Variants in MARCHF8 observed in about 807,000 individuals in gnomAD.
The protein encoded by MARCHF8 is E3 ubiquitin-protein ligase MARCHF8.
Under a neutral mutation model 51.6 loss-of-function variants are expected in MARCHF8, and 40 were observed. That is an observed-to-expected ratio of 0.77 (90% CI 0.60 to 1.01). The LOEUF is 1.01. Ranked by LOEUF, MARCHF8 falls within the 50% of genes least tolerant of loss-of-function variation. The probability of loss-of-function intolerance (pLI) is 0.00; values close to 1 mark genes in which losing one functional copy is unlikely to be tolerated. For missense variants in MARCHF8, 685 were observed against 708.6 expected (o/e 0.97, Z 0.38); for synonymous variants, 263 against 280.3 (o/e 0.94, Z 0.62).
At chr10:45,562,958 T>TA (rs1564517443) in intron 1 of MARCHF8, among the ~76,000 whole-genome samples, 2 of 151,658 alleles carry the variant, frequency 1.3e-5, no homozygotes, top group Non-Finnish European at 2.9e-5. Context: ...TTTTTTTTTT[T>TA]AAACCAAACA....
At chr10:45,574,688 T>C (rs2044469997) in intron 1 of MARCHF8, among the ~76,000 whole-genome samples, 1 of 152,192 alleles carries the variant, frequency 6.6e-6, no homozygotes, top group South Asian at 2.1e-4. Flanking sequence ...AGCCTAGCCC[T>C]CCTGTCTGCA....
rs1401072100 is a variant in MARCHF8 at position 45,486,528 on chromosome 10, C to T, written c.153+2839G>A. ...GCAGTGAGCCAAGATTGCACCACGGCACTCCAGCCTGGGCTACGGAGCGAG... is the reference window on the plus strand; with the variant it reads ...GCAGTGAGCCAAGATTGCACCACGGTACTCCAGCCTGGGCTACGGAGCGAG... On this transcript the variant is annotated intron_variant, in intron 3 of 7. Transcript: ENST00000453424. Among the ~76,000 whole-genome samples, 4 of 152,136 alleles carry T rather than the reference C, an allele frequency of 2.6e-5. No homozygotes were observed. The East Asian group carries it at 7.7e-4, about 29-fold the overall frequency.
intron 2 of MARCHF8, among the ~76,000 whole-genome samples, chr10:45,508,522 C>G (rs1290617278): frequency 6.6e-6 from 1 of 152,108 alleles, no homozygotes; most frequent in African/African-American, 2.4e-5. Context: ...AAAATGTTAA[C>G]TTGGTTACAA....
intron 1 of MARCHF8, among the ~76,000 whole-genome samples, chr10:45,571,132 G>A (rs999441590): frequency 1.2e-4 from 19 of 152,118 alleles, no homozygotes; most frequent in South Asian, 6.2e-4. Flanking sequence ...GACCTAGAAC[G>A]GCCAAAACAA....
chr10:45,479,376 C>T (rs1231569010), intron 3 of MARCHF8, among the ~76,000 whole-genome samples: 1 of 152,174 alleles, frequency 6.6e-6, no homozygotes, highest in Non-Finnish European at 1.5e-5. Flanking sequence ...GACAAACCCA[C>T]AGCTAACATA....
At chr10:45,512,407 C>T (rs981206578) in intron 2 of MARCHF8, among the ~76,000 whole-genome samples, 1 of 150,028 alleles carries the variant, frequency 6.7e-6, no homozygotes, top group East Asian at 2.0e-4. Flanking sequence ...GGGGGGTCAG[C>T]CCCCCGCCCG....
At chr10:45,586,687 T>C (rs1451116348) in intron 1 of MARCHF8, among the ~76,000 whole-genome samples, 3 of 152,154 alleles carry the variant, frequency 2.0e-5, no homozygotes, top group South Asian at 2.1e-4. Context: ...AAAAAGTTGC[T>C]CATAATTTCC....
At chr10:45,548,995 C>CA (rs34591285) in intron 1 of MARCHF8, among the ~76,000 whole-genome samples, 8,651 of 110,142 alleles carry the variant, frequency 0.079, 299 homozygotes, top group African/African-American at 0.094. Flanking sequence ...GACTCCATCT[C>CA]AAAAAAAAAA....
intron 2 of MARCHF8, among the ~76,000 whole-genome samples, chr10:45,516,691 G>T (rs1817981549): frequency 1.3e-5 from 2 of 152,182 alleles, no homozygotes; most frequent in Non-Finnish European, 2.9e-5. Context: ...TTGAACCTGG[G>T]AGGCGGAGGT....
At chr10:45,475,855 C>T (rs75513285) in intron 3 of MARCHF8, among the ~76,000 whole-genome samples, 199 of 152,272 alleles carry the variant, frequency 1.3e-3, no homozygotes, top group Admixed American at 2.4e-3. Context: ...CTACTGCCAC[C>T]ACTGGGACCA....
intron 1 of MARCHF8, among the ~76,000 whole-genome samples, chr10:45,541,811 T>C (rs919413101): frequency 1.3e-5 from 2 of 152,096 alleles, no homozygotes; most frequent in East Asian, 3.9e-4. Flanking sequence ...TTTATGAACA[T>C]ATTATTTGAA....
At chr10:45,478,720 GATC>G (rs2042831217) in intron 3 of MARCHF8, among the ~76,000 whole-genome samples, 2 of 151,912 alleles carry the variant, frequency 1.3e-5, no homozygotes, top group Admixed American at 1.3e-4. Flanking sequence ...AAATACAAAA[GATC>G]ATCAGAGACT....
chr10:45,576,360 A>G (rs1182243330), intron 1 of MARCHF8, among the ~76,000 whole-genome samples: 1 of 152,208 alleles, frequency 6.6e-6, no homozygotes, highest in African/African-American at 2.4e-5. Context: ...AAATAATTTG[A>G]GATTGATCAT....
At chr10:45,458,601 C>G in intron 7 of MARCHF8, 58 bp from the exon 8 acceptor site, 1 of 1,477,178 alleles carries the variant, frequency 6.8e-7, no homozygotes, top group East Asian at 2.3e-5. Flanking sequence ...TAAAGAAAAA[C>G]ACAACTTCTG....
intron 1 of MARCHF8, among the ~76,000 whole-genome samples, chr10:45,558,673 T>G (rs1252116745): frequency 6.6e-6 from 1 of 152,342 alleles, no homozygotes; most frequent in Non-Finnish European, 1.5e-5. Context: ...GGCTCTCAGT[T>G]CTGCCTCCAG....
upstream of MARCHF8, among the ~76,000 whole-genome samples, chr10:45,539,206 C>T (rs112646383): frequency 0.062 from 9,376 of 152,076 alleles, 332 homozygotes; most frequent in Non-Finnish European, 0.067. Context: ...AACAACCTGC[C>T]CCTGAATGAC....
At position 45,487,687 on chromosome 10, in the gene MARCHF8, C is replaced by T. The variant is rs543000913; in HGVS notation, c.153+1680G>A. Among the ~76,000 whole-genome samples the T allele has an allele frequency of 1.3e-3, 204 of 152,086 alleles. 1 individual carries two copies. Among genetic ancestry groups the T allele is most frequent in the African/African-American group, 4.3e-3 (180 of 41,492 alleles). The stretch of plus-strand genomic sequence containing the variant: ...TTCCTATTTTTAACGCAAAATTAAG[C>T]GGAAGAATAATATAATTAGATTACA... On this transcript the variant is annotated intron_variant, in intron 3 of 7. Transcript: ENST00000453424.
chr10:45,497,863 CAGAA>C (rs781521452), intron 2 of MARCHF8, among the ~76,000 whole-genome samples: 3 of 152,122 alleles, frequency 2.0e-5, no homozygotes, highest in Admixed American at 6.5e-5. Flanking sequence ...ATATGTAAGT[CAGAA>C]AGAAAGGCCT....
intron 2 of MARCHF8, among the ~76,000 whole-genome samples, chr10:45,517,194 TTTC>T (rs2043633705): frequency 6.6e-6 from 1 of 152,194 alleles, no homozygotes; most frequent in Non-Finnish European, 1.5e-5. Flanking sequence ...ATTAAAAACT[TTTC>T]TTATGGACTA....
Sources: allele counts gnomAD v4.1 joint callset (sites outside exome capture counted in the v4.1 genomes callset), GRCh38; gene constraint gnomAD v4.1.1; transcripts MANE v1.5; gene names NCBI Gene and HGNC (gene_info 2026-07-23, HGNC 2026-07-21).